The following STAR variants were observed in gnomAD, a reference collection of about 807,000 sequenced individuals.
STAR encodes the protein steroidogenic acute regulatory protein, mitochondrial.
In STAR, 32 loss-of-function variants were observed where a neutral mutation model predicts 32.3. That is an observed-to-expected ratio of 0.99 (90% CI 0.75 to 1.33). The LOEUF is 1.33. Among genes scored for constraint, STAR ranks in the 40% most tolerant of loss-of-function variants. The probability of loss-of-function intolerance (pLI) is 0.00; values close to 1 mark genes in which losing one functional copy is unlikely to be tolerated. For missense variants in STAR, 375 were observed against 379.0 expected (o/e 0.99, Z 0.09); for synonymous variants, 134 against 140.5 (o/e 0.95, Z 0.33).
At position 38,150,894 on chromosome 8, in the gene STAR, A is replaced by T; in HGVS notation, c.-76T>A. 2 of 1,599,242 alleles carry T rather than the reference A, an allele frequency of 1.3e-6. No homozygotes were observed. Among genetic ancestry groups the T allele is most frequent in the Non-Finnish European group, 1.7e-6 (2 of 1,179,726 alleles). On this transcript the variant is annotated 5_prime_UTR_variant, in exon 1 of 7. The change creates a new upstream start codon in the 5' untranslated region. Transcript: ENST00000276449. ...GCCGCTGCTGCTGCCTCTTCTCTCA[A>T]GGGTGGTTCTTCGTCCTTCCTGAGC...
In STAR at chr8:38,148,753, C is replaced by T; in HGVS notation, c.66G>A (p.Gly22=). 2 of 1,613,198 alleles carry T rather than the reference C, an allele frequency of 1.2e-6. No individual in the cohort carries two copies. Among genetic ancestry groups the T allele is most frequent in the Non-Finnish European group, 1.7e-6 (2 of 1,179,892 alleles). ...SSYRHMRNMK[G]LRQQAVMAIS... ...TGGCCATCACAGCCTGTTGCCTCAG[C>T]CCTGCAGAAGGGAATAACCCTTGTC... The change falls in exon 2 of 7, where the codon GGG becomes GGA. Residue 22 remains glycine (G), a splice_region_variant and synonymous_variant. Coordinates refer to ENST00000276449, the MANE Select transcript of STAR (RefSeq NM_000349.3).
chr8:38,144,157 A>C lies in STAR; in HGVS notation c.*116T>G, dbSNP rs35462433. 3,336 of 1,107,350 alleles carry C rather than the reference A, an allele frequency of 3.0e-3. 21 individuals carry two copies. The highest frequency in any genetic ancestry group is 0.017 in the Middle Eastern group (88 of 5,068). The allele number at this position is 1,107,350 out of a possible 1,614,324, so 68.6% of individuals were successfully genotyped here. A position where few individuals can be genotyped will look rare whatever the true frequency, so the allele number is the denominator to read the frequency against. On this transcript the variant is annotated 3_prime_UTR_variant, in exon 7 of 7. Coordinates refer to ENST00000276449, the MANE Select transcript of STAR (RefSeq NM_000349.3). ...GTGTCATACTCTAAACACGAACCCC[A>C]CCCATCCCACTGTCACCAGATGGAG...
chr8:38,144,687 A>G, intron 6 of STAR: 3 of 1,187,048 alleles, frequency 2.5e-6, no homozygotes, highest in Non-Finnish European at 3.2e-6. Context: ...CTTCTTTCTA[A>G]AATGATAACT....
chr8:38,145,488 C>A, intron 5 of STAR, 173 bp from the exon 6 acceptor site: 2 of 859,836 alleles, frequency 2.3e-6, no homozygotes, highest in Non-Finnish European at 3.7e-6. Context: ...CAGTTACCAG[C>A]TCATCAGAAT....
rs1563266616 is a variant in STAR, at chr8:38,142,716, TGG to T, written c.*1555_*1556del. 8.6e-5 allele frequency among the ~76,000 whole-genome samples: 13 copies of T among 151,806 alleles called. No individual in the cohort carries two copies. The East Asian group carries it at 2.5e-3, about 29-fold the overall frequency. On this transcript the variant is annotated 3_prime_UTR_variant, in exon 7 of 7. Coordinates refer to ENST00000276449, the MANE Select transcript of STAR (RefSeq NM_000349.3). ...GCTCATTTTGTATTTTTAGTAGAGA[TGG>T]GGTTTCTCCATGTTAGTCAGGCTGG...
chr8:38,146,186 G>T, intron 4 of STAR, 39 bp from the exon 5 acceptor site: 1 of 1,613,654 alleles, frequency 6.2e-7, no homozygotes, highest in South Asian at 1.1e-5. Context: ...GACTCAGCCT[G>T]TGTTGGGCTA....
rs1385187440 is a variant in STAR, at chr8:38,144,033, C to T, written c.*240G>A. 4.1e-6 allele frequency: 2 copies of T among 484,768 alleles called. No homozygotes were observed. Among genetic ancestry groups the T allele is most frequent in the Non-Finnish European group, 7.6e-6 (2 of 262,492 alleles). 30.0% of individuals were successfully genotyped at this position (484,768 alleles called of 1,614,324 possible). A position where few individuals can be genotyped will look rare whatever the true frequency, so the allele number is the denominator to read the frequency against. ...TTACAATTATTTTAGGGGCCTGAAC[C>T]CTCATGTCATAGCTAATCAGTGAAT... On this transcript the variant is annotated 3_prime_UTR_variant, in exon 7 of 7. Coordinates refer to ENST00000276449, the MANE Select transcript of STAR (RefSeq NM_000349.3).
At chr8:38,145,383 A>G in intron 5 of STAR, 68 bp from the exon 6 acceptor site, 1 of 1,604,598 alleles carries the variant, frequency 6.2e-7, no homozygotes, top group Non-Finnish European at 8.5e-7. Flanking sequence ...TGCTTACACC[A>G]GTACCATAGA....
rs1168758759 is a variant in STAR, at chr8:38,144,011, CAATT to C, written c.*258_*261del. The C allele has an allele frequency of 1.7e-5, 7 of 422,464 alleles. No homozygotes were observed. The East Asian group carries it at 3.1e-4, about 19-fold the overall frequency. 26.2% of individuals were successfully genotyped at this position (422,464 alleles called of 1,614,324 possible). ...ATAAGGGCCCAGAAAAAAAGTTTTACAATTATTTTAGGGGCCTGAACCCTCATGT... is the reference window on the plus strand; with the variant it reads ...ATAAGGGCCCAGAAAAAAAGTTTTACATTTTAGGGGCCTGAACCCTCATGT... On this transcript the variant is annotated 3_prime_UTR_variant, in exon 7 of 7. Transcript: ENST00000276449.
Position 38,144,013 on chromosome 8 carries a change from A to G in STAR, c.*260T>C. 2.3e-6 allele frequency: 1 copy of G among 427,930 alleles called. No individual in the cohort carries two copies. The highest frequency in any genetic ancestry group is 7.3e-4 in the Middle Eastern group (1 of 1,364). The allele number at this position is 427,930 out of a possible 1,614,324, so 26.5% of individuals were successfully genotyped here. A position where few individuals can be genotyped will look rare whatever the true frequency, so the allele number is the denominator to read the frequency against. On this transcript the variant is annotated 3_prime_UTR_variant, in exon 7 of 7. Coordinates refer to ENST00000276449, the MANE Select transcript of STAR (RefSeq NM_000349.3). ...AAGGGCCCAGAAAAAAAGTTTTACA[A>G]TTATTTTAGGGGCCTGAACCCTCAT...
chr8:38,145,432 A>C, intron 5 of STAR, 117 bp from the exon 6 acceptor site: 9 of 1,400,526 alleles, frequency 6.4e-6, no homozygotes, highest in Non-Finnish European at 8.9e-6. Flanking sequence ...TCTGAGTCTC[A>C]TCAGGGAAGT....
In STAR at chr8:38,148,251, C is replaced by T. The variant is rs750589369; in HGVS notation, c.255G>A (p.Lys85=). The part of the protein sequence containing the change: ...YLQQGEEAMQ[K]ALGILSNQEG... ...CTTGGTTGCTAAGGATGCCCAAGGCCTTCTGCATGGCCTCCTCCCCCTGCT... is the reference window on the plus strand; with the variant it reads ...CTTGGTTGCTAAGGATGCCCAAGGCTTTCTGCATGGCCTCCTCCCCCTGCT... Residue 85 remains lysine (K), a synonymous_variant, in exon 3 of 7, where the codon AAG becomes AAA. Coordinates refer to ENST00000276449, the MANE Select transcript of STAR (RefSeq NM_000349.3). 26 of 1,614,024 alleles carry T rather than the reference C, an allele frequency of 1.6e-5. No homozygotes were observed. Among genetic ancestry groups the T allele is most frequent in the Non-Finnish European group, 1.9e-5 (23 of 1,180,026 alleles).
At chr8:38,148,098 C>T in intron 3 of STAR, 102 bp downstream of exon 3, 2 of 1,522,792 alleles carry the variant, frequency 1.3e-6, no homozygotes, top group Non-Finnish European at 1.8e-6. Flanking sequence ...TACCCAGTGA[C>T]TGCTGCATGA....
At chr8:38,144,711 G>C in intron 6 of STAR, 1 of 1,096,886 alleles carries the variant, frequency 9.1e-7, no homozygotes, top group Non-Finnish European at 1.2e-6. Flanking sequence ...TATAAGAGTT[G>C]AACTTTGCTG....
chr8:38,145,024 AAAAAAG>A (rs1354565362), intron 6 of STAR, 192 bp downstream of exon 6: 14 of 1,406,296 alleles, frequency 1.0e-5, no homozygotes, highest in African/African-American at 4.4e-5. Flanking sequence ...AAAAAAAAAA[AAAAAAG>A]AAGAGGGGGC....
In STAR at chr8:38,146,035, C is replaced by T. The variant is rs774079499; in HGVS notation, c.578G>A (p.Arg193Gln). 3.6e-5 allele frequency: 58 copies of T among 1,614,112 alleles called. No individual in the cohort carries two copies. Among genetic ancestry groups the T allele is most frequent in the East Asian group, 8.9e-5 (4 of 44,892 alleles). Residue 193 changes from arginine (R) to glutamine (Q), a missense_variant, in exon 5 of 7, where the codon CGA becomes CAA. Coordinates refer to ENST00000276449, the MANE Select transcript of STAR (RefSeq NM_000349.3). ...DFVSVRCAKR[R>Q]GSTCVLAGMA... ...GCCAGCCAGCACACAGGTGGAGCCT[C>T]GGCGCTTGGCACAGCGCACGCTCAC...
chr8:38,145,273 A>C lies in STAR; in HGVS notation c.693T>G (p.Ala231=), dbSNP rs1295822086. ...TAAGTTTGGTCTTAGAGGGACTTCC[A>C]GCCAACGGGTGAAGCACCATGCAAG... is the stretch of plus-strand genomic sequence containing the variant. ...GPTCMVLHPL[A]GSPSKTKLTW... is the part of the protein sequence containing the mutation. Residue 231 remains alanine, a synonymous_variant, in exon 6 of 7, where the codon GCT becomes GCG. Transcript: ENST00000276449. 1.9e-6 allele frequency: 3 copies of C among 1,614,210 alleles called. No homozygotes were observed. The East Asian group carries it at 6.7e-5, about 36-fold the overall frequency.
chr8:38,148,259 T>C lies in STAR; in HGVS notation c.247A>G (p.Met83Val). ...LAYLQQGEEAMQKALGILSNQ... is the reference protein window; with the variant it reads ...LAYLQQGEEAVQKALGILSNQ... The stretch of plus-strand genomic sequence containing the variant: ...CTAAGGATGCCCAAGGCCTTCTGCA[T>C]GGCCTCCTCCCCCTGCTGGAGATAG... The change falls in exon 3 of 7, where the codon ATG (methionine) becomes GTG (valine). Residue 83 changes from methionine (M) to valine (V), a missense_variant. Transcript: ENST00000276449. The C allele has an allele frequency of 6.2e-7, 1 of 1,614,118 alleles. No homozygotes were observed. Among genetic ancestry groups the C allele is most frequent in the East Asian group, 2.2e-5 (1 of 44,864 alleles).
Position 38,144,282 on chromosome 8 carries a change from G to T in STAR, c.849C>A (p.Ala283=), listed in dbSNP as rs1490032199. ...KRLESHPASE[A]RC is the part of the protein sequence containing the mutation. Reference sequence around the variant, plus strand: ...AACAGCAGGCTGGTCTTCAACACCTGGCTTCAGAGGCAGGGTGGGACTCCA... The same window carrying T: ...AACAGCAGGCTGGTCTTCAACACCTTGCTTCAGAGGCAGGGTGGGACTCCA... Residue 283 remains alanine, a synonymous_variant, in exon 7 of 7, where the codon GCC becomes GCA. Transcript: ENST00000276449. The T allele has an allele frequency of 6.2e-7, 1 of 1,608,900 alleles. No homozygotes were observed. The highest frequency in any genetic ancestry group is 8.5e-7 in the Non-Finnish European group (1 of 1,177,812).
Sources: allele counts gnomAD v4.1 joint callset (sites outside exome capture counted in the v4.1 genomes callset), GRCh38; gene constraint gnomAD v4.1.1; transcripts MANE v1.5; gene names NCBI Gene and HGNC (gene_info 2026-07-23, HGNC 2026-07-21).